FBXO4: variants seen among roughly 807,000 people sequenced by gnomAD.
FBXO4 encodes the protein F-box only protein 4.
In FBXO4, 36 loss-of-function variants were observed where a neutral mutation model predicts 43.7. The ratio of observed to expected loss-of-function variants is 0.82; its 90% CI spans 0.63 to 1.09. FBXO4 has a LOEUF of 1.09. FBXO4 is among the 50% of genes least tolerant of loss of function. The pLI, the probability that FBXO4 is intolerant of heterozygous loss-of-function variation, is 0.00. For synonymous variants in FBXO4, 180 were observed against 165.6 expected, an observed-to-expected ratio of 1.09 and a Z score of -0.67; for missense variants, 435 against 474.1, an observed-to-expected ratio of 0.92 and a Z score of 0.77.
At chr5:41,959,877 T>G in the FBXO4 span, among the ~76,000 whole-genome samples, 1 of 152,194 alleles carries the variant, frequency 6.6e-6, no homozygotes, top group Non-Finnish European at 1.5e-5. Flanking sequence ...TTTAGGATTT[T>G]TTTTCTATTT....
chr5:41,928,298 T>C (rs944760802), intron 2 of FBXO4, among the ~76,000 whole-genome samples: 1 of 152,206 alleles, frequency 6.6e-6, no homozygotes, highest in South Asian at 2.1e-4. Context: ...TCATATAAAG[T>C]ACTTATCATT....
intron 5 of FBXO4, among the ~76,000 whole-genome samples, chr5:41,936,286 G>C (rs1252570841): frequency 6.6e-6 from 1 of 152,154 alleles, no homozygotes; most frequent in Admixed American, 6.5e-5. Flanking sequence ...AGGTACAGTG[G>C]CTCTGGGAGG....
chr5:41,930,034 T>C (rs2112571705), intron 3 of FBXO4, 117 bp downstream of exon 3: 1 of 823,982 alleles, frequency 1.2e-6, no homozygotes, highest in South Asian at 1.9e-5. Flanking sequence ...AGTACTTTGG[T>C]TGTTGGGAGC....
At chr5:41,977,703 T>G in the FBXO4 span, among the ~76,000 whole-genome samples, 1 of 152,226 alleles carries the variant, frequency 6.6e-6, no homozygotes, top group Admixed American at 6.5e-5. Flanking sequence ...CCTCCCAAAG[T>G]GCTGGGATTA....
At chr5:41,985,010 T>G in the FBXO4 span, among the ~76,000 whole-genome samples, 2 of 152,172 alleles carry the variant, frequency 1.3e-5, no homozygotes, top group African/African-American at 4.8e-5. Flanking sequence ...ACTTCTCAAT[T>G]TCTCATATTG....
chr5:42,035,896 A>G, the FBXO4 span, among the ~76,000 whole-genome samples: 814 of 152,242 alleles, frequency 5.3e-3, 5 homozygotes, highest in African/African-American at 0.018. Context: ...TTTTAACTGA[A>G]ACTTGCCTTT....
the FBXO4 span, among the ~76,000 whole-genome samples, chr5:42,033,108 C>T: frequency 1.3e-5 from 2 of 152,146 alleles, no homozygotes; most frequent in Admixed American, 6.5e-5. Flanking sequence ...AAATTCCTCC[C>T]CACTGTTCCC....
intron 5 of FBXO4, among the ~76,000 whole-genome samples, chr5:41,938,244 A>G (rs1751901988): frequency 6.6e-6 from 1 of 152,348 alleles, no homozygotes; most frequent in Admixed American, 6.5e-5. Flanking sequence ...ACATTTAAGT[A>G]TATTATACTG....
chr5:41,926,992 TG>T lies in FBXO4; in HGVS notation c.190-20del. On this transcript the variant is annotated intron_variant, in intron 1 of 6. Coordinates refer to ENST00000281623, the MANE Select transcript of FBXO4 (RefSeq NM_012176.3). Reference sequence around the variant, plus strand: ...ATTTTCTTCATTCCTTTTTCCTACCTGCTGCTTTCTTCTGTTTCAGATTGAT... The same window carrying T: ...ATTTTCTTCATTCCTTTTTCCTACCTCTGCTTTCTTCTGTTTCAGATTGAT... The T allele has an allele frequency of 6.8e-7, 1 of 1,479,648 alleles. No homozygotes were observed. The highest frequency in any genetic ancestry group is 9.2e-7 in the Non-Finnish European group (1 of 1,089,482). 91.7% of individuals were successfully genotyped at this position (1,479,648 alleles called of 1,614,324 possible). A position where few individuals can be genotyped will look rare whatever the true frequency, so the allele number is the denominator to read the frequency against.
the FBXO4 span, among the ~76,000 whole-genome samples, chr5:41,964,244 A>C: frequency 1.3e-5 from 2 of 152,184 alleles, no homozygotes; most frequent in African/African-American, 2.4e-5. Context: ...GAATAATCCA[A>C]TGCCAATTGA....
intron 1 of FBXO4, among the ~76,000 whole-genome samples, 181 bp downstream of exon 1, chr5:41,925,679 G>A (rs957859753): frequency 6.6e-6 from 1 of 151,928 alleles, no homozygotes; most frequent in Admixed American, 6.6e-5. Flanking sequence ...GCGTCTTGGC[G>A]TGGACCCTGG....
chr5:42,026,129 T>G, the FBXO4 span, among the ~76,000 whole-genome samples: 1 of 151,840 alleles, frequency 6.6e-6, no homozygotes, highest in Non-Finnish European at 1.5e-5. Flanking sequence ...TTGCTTTGGG[T>G]TTTATGGGCA....
At position 41,929,787 on chromosome 5, in the gene FBXO4, C is replaced by A. The variant is rs759540641; in HGVS notation, c.516C>A (p.Ile172=). Residue 172 remains isoleucine (I), a synonymous_variant, in exon 3 of 7, where the codon ATC becomes ATA. Coordinates refer to ENST00000281623, the MANE Select transcript of FBXO4 (RefSeq NM_012176.3). The part of the protein sequence containing the change: ...GAVTSFLHSL[I]IQNEPRFAMF... Reference sequence around the variant, plus strand: ...TCACTTCTTTTTTACACTCCCTGATCATTCAGAATGAACCACGATTTGCTA... The same window carrying A: ...TCACTTCTTTTTTACACTCCCTGATAATTCAGAATGAACCACGATTTGCTA... 1.2e-6 allele frequency: 2 copies of A among 1,614,142 alleles called. No homozygotes were observed. The highest frequency in any genetic ancestry group is 2.2e-5 in the South Asian group (2 of 91,066).
chr5:42,003,301 G>A, the FBXO4 span, among the ~76,000 whole-genome samples: 1,467 of 152,274 alleles, frequency 9.6e-3, 20 homozygotes, highest in African/African-American at 0.033. Context: ...ATGCAGTGTT[G>A]TAATTGGCCA....
chr5:41,974,513 A>G, the FBXO4 span, among the ~76,000 whole-genome samples: 1 of 152,094 alleles, frequency 6.6e-6, no homozygotes, highest in South Asian at 2.1e-4. Context: ...AAGTTTACTA[A>G]TTCTTTTGCT....
the FBXO4 span, among the ~76,000 whole-genome samples, chr5:41,994,852 C>T: frequency 6.6e-6 from 1 of 152,052 alleles, no homozygotes; most frequent in Non-Finnish European, 1.5e-5. Flanking sequence ...GTCGTGGGAA[C>T]AGGAAGCAAA....
At chr5:41,977,130 C>T in the FBXO4 span, among the ~76,000 whole-genome samples, 1 of 152,162 alleles carries the variant, frequency 6.6e-6, no homozygotes, top group Admixed American at 6.5e-5. Flanking sequence ...CCATTCTTTC[C>T]TCCTAGGCCT....
chr5:41,962,709 G>C, the FBXO4 span, among the ~76,000 whole-genome samples: 1 of 152,092 alleles, frequency 6.6e-6, no homozygotes, highest in Non-Finnish European at 1.5e-5. Context: ...TCAAACACTT[G>C]AAAGTTTCTC....
the FBXO4 span, among the ~76,000 whole-genome samples, chr5:42,036,186 G>A: frequency 1.3e-5 from 2 of 152,022 alleles, no homozygotes; most frequent in Non-Finnish European, 2.9e-5. Flanking sequence ...GTGGCTTTGG[G>A]ATGGGAGCCT....
Sources: gnomAD v4.1 joint callset for allele counts (sites outside exome capture counted in the v4.1 genomes callset) on GRCh38, gnomAD v4.1.1 for gene constraint, MANE v1.5 for transcripts, NCBI Gene and HGNC (gene_info 2026-07-23, HGNC 2026-07-21) for gene names.